Variants in CFAP47 observed in about 807,000 individuals in gnomAD.
CFAP47 encodes cilia- and flagella-associated protein 47.
In CFAP47, 29 loss-of-function variants were observed where a neutral mutation model predicts 148.1. The observed-to-expected ratio is 0.20, with a 90% CI of 0.15 to 0.27. The LOEUF is 0.27. CFAP47 is among the 10% of genes least tolerant of loss of function. The probability of loss-of-function intolerance (pLI) is 1.00; values close to 1 mark genes in which losing one functional copy is unlikely to be tolerated. For missense variants in CFAP47, 1,872 were observed against 1,697.5 expected, an observed-to-expected ratio of 1.10 and a Z score of -1.81; for synonymous variants, 664 against 577.3, an observed-to-expected ratio of 1.15 and a Z score of -2.15.
intron 26 of CFAP47, among the ~76,000 whole-genome samples, chrX:36,063,360 T>C (rs1937609875): frequency 9.0e-6 from 1 of 111,630 alleles, no homozygotes; most frequent in East Asian, 2.8e-4. Context: ...TCCTTTTTTC[T>C]GTTTTAATAT....
intron 30 of CFAP47, among the ~76,000 whole-genome samples, chrX:36,090,389 A>G (rs1938162933): frequency 8.9e-6 from 1 of 111,994 alleles, no homozygotes; most frequent in Admixed American, 9.5e-5. Flanking sequence ...ATGGAAATCA[A>G]ACAACTTTGT....
chrX:36,332,820 T>C (rs1174000874), intron 57 of CFAP47, among the ~76,000 whole-genome samples: 1 of 112,199 alleles, frequency 8.9e-6, no homozygotes, highest in East Asian at 2.8e-4. Context: ...GAGTACTCAA[T>C]TCCTGGGTAC....
intron 33 of CFAP47, among the ~76,000 whole-genome samples, chrX:36,109,774 T>G (rs1461429231): frequency 2.7e-5 from 3 of 111,957 alleles, no homozygotes; most frequent in African/African-American, 9.7e-5. Context: ...GCGCCCAGCC[T>G]ACTTTTTGAC....
chrX:35,921,008 A>G (rs1157952820), intron 1 of CFAP47, among the ~76,000 whole-genome samples: 1 of 112,232 alleles, frequency 8.9e-6, no homozygotes, highest in African/African-American at 3.2e-5. Context: ...TCGATGTATT[A>G]TTTACTTACT....
intron 18 of CFAP47, 140 bp downstream of exon 18, chrX:35,993,461 T>C: frequency 3.9e-6 from 1 of 255,527 alleles, no homozygotes; most frequent in Non-Finnish European, 6.9e-6. Context: ...TTTTAATTCT[T>C]TCTTCTATTG....
At chrX:36,075,653 A>G (rs1427584034) in intron 29 of CFAP47, among the ~76,000 whole-genome samples, 1 of 112,206 alleles carries the variant, frequency 8.9e-6, no homozygotes, top group Admixed American at 9.5e-5. Flanking sequence ...TAAAGAGCAC[A>G]GTACACAACA....
At chrX:36,248,770 A>T (rs73458206) in intron 48 of CFAP47, among the ~76,000 whole-genome samples, 1,437 of 110,942 alleles carry the variant, frequency 0.013, 28 homozygotes, top group African/African-American at 0.044. Context: ...TCCCAGATAG[A>T]CTATGTCTTA....
In CFAP47 at chrX:36,280,643, T is replaced by C. The variant is rs782225363; in HGVS notation, c.7588+13T>C. Reference sequence around the variant, plus strand: ...GATGCAGACACATGTAAGTTTATTATGACAGAGTTTCACTATTAGTTTGCA... The same window carrying C: ...GATGCAGACACATGTAAGTTTATTACGACAGAGTTTCACTATTAGTTTGCA... On this transcript the variant is annotated intron_variant, in intron 50 of 63. Transcript: ENST00000378653. 4.3e-6 allele frequency: 2 copies of C among 463,382 alleles called. No individual in the cohort carries two copies. Among genetic ancestry groups the C allele is most frequent in the African/African-American group, 4.8e-5 (2 of 42,002 alleles). 38.2% of individuals were successfully genotyped at this position (463,382 alleles called of 1,213,427 possible).
chrX:36,047,657 AGTTT>A (rs1287996866), intron 26 of CFAP47, among the ~76,000 whole-genome samples: 9 of 111,476 alleles, frequency 8.1e-5, no homozygotes, highest in African/African-American at 2.6e-4. Flanking sequence ...AGAGCTATAA[AGTTT>A]GTTTAAAAGG....
chrX:36,190,404 T>C (rs1240421650), intron 42 of CFAP47, among the ~76,000 whole-genome samples: 6 of 112,724 alleles, frequency 5.3e-5, no homozygotes, highest in Non-Finnish European at 1.1e-4. Context: ...AGCAGTCCCA[T>C]GGGAGCAGAG....
chrX:35,953,785 G>C (rs1936203411), intron 7 of CFAP47, 66 bp downstream of exon 7: 1 of 842,178 alleles, frequency 1.2e-6, no homozygotes, highest in African/African-American at 2.1e-5. Flanking sequence ...ATTTGAACAT[G>C]AATATCTGTA....
chrX:36,059,414 A>G (rs1449639103), intron 26 of CFAP47, among the ~76,000 whole-genome samples: 1 of 111,933 alleles, frequency 8.9e-6, no homozygotes, highest in Non-Finnish European at 1.9e-5. Flanking sequence ...AGGGTATGTA[A>G]TAGCTAGTGC....
chrX:36,192,128 T>C (rs1939872856), intron 42 of CFAP47, among the ~76,000 whole-genome samples: 1 of 112,015 alleles, frequency 8.9e-6, no homozygotes, highest in African/African-American at 3.2e-5. Context: ...CTCTTCTGTT[T>C]GAATTTTCAA....
intron 14 of CFAP47, 109 bp downstream of exon 14, chrX:35,975,472 C>T: frequency 1.6e-6 from 1 of 633,901 alleles, no homozygotes; most frequent in Non-Finnish European, 2.4e-6. Flanking sequence ...GTTCTCCAAA[C>T]ATAGAAGCTA....
chrX:35,991,609 A>C (rs1936790134), intron 16 of CFAP47, among the ~76,000 whole-genome samples: 1 of 110,657 alleles, frequency 9.0e-6, no homozygotes, highest in African/African-American at 3.3e-5. Context: ...CAAAACTAGC[A>C]TATAAAGTCC....
chrX:35,981,017 T>G (rs1236474525), intron 15 of CFAP47, among the ~76,000 whole-genome samples: 3 of 110,283 alleles, frequency 2.7e-5, no homozygotes, highest in Non-Finnish European at 5.7e-5. Flanking sequence ...AAAACAAAAT[T>G]ACATAAAGAA....
At chrX:36,103,668 C>A (rs756758057) in intron 32 of CFAP47, among the ~76,000 whole-genome samples, 1 of 109,712 alleles carries the variant, frequency 9.1e-6, no homozygotes, top group Non-Finnish European at 1.9e-5. Flanking sequence ...CATACCCATA[C>A]CACTGGAAAA....
chrX:36,041,999 G>A (rs180737216), intron 25 of CFAP47, among the ~76,000 whole-genome samples: 302 of 108,078 alleles, frequency 2.8e-3, no homozygotes, highest in Non-Finnish European at 4.8e-3. Flanking sequence ...TTGTATTCCA[G>A]TATTTCAAGG....
intron 61 of CFAP47, among the ~76,000 whole-genome samples, chrX:36,365,042 A>G (rs1569327014): frequency 9.4e-6 from 1 of 106,092 alleles, no homozygotes; most frequent in Non-Finnish European, 2.0e-5. Flanking sequence ...AAAAACCAAA[A>G]GAAAACAGTG....
Sources: allele counts gnomAD v4.1 joint callset (sites outside exome capture counted in the v4.1 genomes callset), GRCh38; gene constraint gnomAD v4.1.1; transcripts MANE v1.5; gene names NCBI Gene and HGNC (gene_info 2026-07-23, HGNC 2026-07-21).